The following ADGRB3 variants were observed in gnomAD, a reference collection of about 807,000 sequenced individuals.
ADGRB3 encodes brain-specific angiogenesis inhibitor 3.
Under a neutral mutation model 193.4 loss-of-function variants are expected in ADGRB3, and 37 were observed. The observed-to-expected ratio is 0.19, with a 90% CI of 0.15 to 0.25. The LOEUF (loss-of-function observed/expected upper bound fraction) is 0.25, where lower values mean the gene tolerates loss of function less well. Among genes scored for constraint, ADGRB3 ranks in the 10% least tolerant of loss-of-function variants. The probability of loss-of-function intolerance (pLI) is 1.00; values close to 1 mark genes in which losing one functional copy is unlikely to be tolerated. For synonymous variants in ADGRB3, 690 were observed against 644.2 expected (o/e 1.07, Z -1.08); for missense variants, 1,637 against 1,852.9 (o/e 0.88, Z 2.14).
At chr6:69,025,049 G>T (rs375074657) in intron 13 of ADGRB3, among the ~76,000 whole-genome samples, 2 of 150,464 alleles carry the variant, frequency 1.3e-5, no homozygotes, top group Non-Finnish European at 3.0e-5. Flanking sequence ...CCGAGATCGC[G>T]CCACTGCACT....
chr6:68,971,583 T>C (rs1768569781), intron 8 of ADGRB3, among the ~76,000 whole-genome samples: 1 of 152,054 alleles, frequency 6.6e-6, no homozygotes, highest in Non-Finnish European at 1.5e-5. Flanking sequence ...TACCATTTTA[T>C]ATCAGGGAGT....
chr6:69,037,414 T>C (rs1230728507), intron 13 of ADGRB3, among the ~76,000 whole-genome samples: 1 of 152,204 alleles, frequency 6.6e-6, no homozygotes, highest in Non-Finnish European at 1.5e-5. Flanking sequence ...AGAAGCCTGA[T>C]AGCCCACAAA....
In ADGRB3 at chr6:69,294,429, G is replaced by A. The variant is rs991541291; in HGVS notation, c.2815-30443G>A. Among the ~76,000 whole-genome samples, 14 of 152,118 alleles carry A rather than the reference G, an allele frequency of 9.2e-5. 1 individual carries two copies. The highest frequency in any genetic ancestry group is 3.4e-4 in the African/African-American group (14 of 41,520). The stretch of plus-strand genomic sequence containing the variant: ...ATAGGACAGATGGAGAAAAATAGAA[G>A]TGGAATATTTCAACATGCCAAGCAG... On this transcript the variant is annotated intron_variant, in intron 20 of 31. Coordinates refer to ENST00000370598, the MANE Select transcript of ADGRB3 (RefSeq NM_001704.3).
intron 20 of ADGRB3, among the ~76,000 whole-genome samples, chr6:69,306,926 T>C (rs1211904685): frequency 6.6e-6 from 1 of 151,424 alleles, no homozygotes; most frequent in East Asian, 1.9e-4. Context: ...CCTATTTACC[T>C]TGAGATCATA....
At chr6:69,302,689 A>AAG (rs1767973452) in intron 20 of ADGRB3, among the ~76,000 whole-genome samples, 1 of 151,964 alleles carries the variant, frequency 6.6e-6, no homozygotes, top group African/African-American at 2.4e-5. Flanking sequence ...GACTTTATGA[A>AAG]AGAGAACCCT....
intron 3 of ADGRB3, among the ~76,000 whole-genome samples, chr6:68,740,513 T>A (rs1282166726): frequency 1.3e-5 from 2 of 152,092 alleles, no homozygotes; most frequent in African/African-American, 4.8e-5. Context: ...TAACCTTGGA[T>A]GAGAATATGG....
At chr6:69,228,578 A>C (rs1766069281) in intron 17 of ADGRB3, among the ~76,000 whole-genome samples, 1 of 152,096 alleles carries the variant, frequency 6.6e-6, no homozygotes, top group Admixed American at 6.6e-5. Context: ...ACTGCTGTTA[A>C]CTCCAGGCCC....
intron 12 of ADGRB3, among the ~76,000 whole-genome samples, chr6:69,015,873 C>T (rs1337238789): frequency 1.3e-5 from 2 of 150,894 alleles, no homozygotes; most frequent in African/African-American, 4.9e-5. Context: ...CTATAGAGCA[C>T]CACTTTACAC....
chr6:68,964,077 G>A (rs142911834), intron 8 of ADGRB3, among the ~76,000 whole-genome samples: 336 of 152,214 alleles, frequency 2.2e-3, no homozygotes, highest in Middle Eastern at 0.01. Context: ...ACATTTCATG[G>A]CCTTTCAGTG....
intron 10 of ADGRB3, among the ~76,000 whole-genome samples, chr6:68,978,696 T>C (rs1373520153): frequency 1.3e-5 from 2 of 151,508 alleles, no homozygotes; most frequent in Non-Finnish European, 3.0e-5. Context: ...GTATTTGTGA[T>C]ATAGAACATT....
At chr6:69,031,089 CTCT>C (rs1190503814) in intron 13 of ADGRB3, among the ~76,000 whole-genome samples, 2 of 85,508 alleles carry the variant, frequency 2.3e-5, no homozygotes, top group Non-Finnish European at 5.0e-5. Flanking sequence ...CTCTTCTCTT[CTCT>C]TCTCTTCTCT....
At chr6:69,253,524 G>A (rs1304778248) in intron 20 of ADGRB3, among the ~76,000 whole-genome samples, 1 of 152,046 alleles carries the variant, frequency 6.6e-6, no homozygotes, top group African/African-American at 2.4e-5. Flanking sequence ...TGAGGATGCT[G>A]AGAAAGAAAG....
chr6:69,382,986 A>ATTAT, intron 31 of ADGRB3, 51 bp downstream of exon 31: 1 of 1,287,222 alleles, frequency 7.8e-7, no homozygotes, highest in Non-Finnish European at 1.1e-6. Context: ...CATGTCAGAT[A>ATTAT]TTATTCCTGC....
intron 10 of ADGRB3, among the ~76,000 whole-genome samples, chr6:68,988,314 T>A (rs1769136863): frequency 6.6e-6 from 1 of 152,016 alleles, no homozygotes; most frequent in Admixed American, 6.6e-5. Flanking sequence ...CCAAAAAGAA[T>A]TCGTGAAGGA....
intron 3 of ADGRB3, among the ~76,000 whole-genome samples, chr6:68,787,993 T>A (rs1767012639): frequency 6.6e-6 from 1 of 152,214 alleles, no homozygotes; most frequent in Non-Finnish European, 1.5e-5. Flanking sequence ...GTGGGATTGG[T>A]GGTGATATCC....
intron 3 of ADGRB3, among the ~76,000 whole-genome samples, chr6:68,845,314 T>G (rs138794511): frequency 6.6e-6 from 1 of 151,988 alleles, no homozygotes; most frequent in East Asian, 1.9e-4. Context: ...GAGGCAGAGA[T>G]TGGAGTGATG....
intron 3 of ADGRB3, among the ~76,000 whole-genome samples, chr6:68,740,011 A>G (rs1765948200): frequency 6.6e-6 from 1 of 152,150 alleles, no homozygotes; most frequent in Non-Finnish European, 1.5e-5. Flanking sequence ...ATTATTATTA[A>G]TAATAATAAT....
chr6:69,281,094 T>C (rs2127285765), intron 20 of ADGRB3, among the ~76,000 whole-genome samples: 1 of 152,286 alleles, frequency 6.6e-6, no homozygotes, highest in East Asian at 1.9e-4. Context: ...CAGCATTTAA[T>C]TGAGCCACAG....
chr6:68,743,085 T>C (rs1766012362), intron 3 of ADGRB3, among the ~76,000 whole-genome samples: 1 of 152,060 alleles, frequency 6.6e-6, no homozygotes, highest in Admixed American at 6.5e-5. Flanking sequence ...GTCTATAGAA[T>C]CACATTTCTT....
Sources: gnomAD v4.1 joint callset for allele counts (sites outside exome capture counted in the v4.1 genomes callset) on GRCh38, gnomAD v4.1.1 for gene constraint, MANE v1.5 for transcripts, NCBI Gene and HGNC (gene_info 2026-07-23, HGNC 2026-07-21) for gene names.